NR3C2: variants seen among roughly 807,000 people sequenced by gnomAD.
NR3C2 encodes the protein mineralocorticoid receptor.
In NR3C2, 15 loss-of-function variants were observed where a neutral mutation model predicts 86.4. The observed-to-expected ratio is 0.17, with a 90% CI of 0.12 to 0.27. NR3C2 has a LOEUF of 0.27. NR3C2 is among the 10% of genes least tolerant of loss of function. The pLI, the probability that NR3C2 is intolerant of heterozygous loss-of-function variation, is 1.00. For missense variants in NR3C2, 960 were observed against 1,195.6 expected (o/e 0.80, Z 2.91); for synonymous variants, 458 against 450.5 (o/e 1.02, Z -0.21).
intron 4 of NR3C2, among the ~76,000 whole-genome samples, chr4:148,157,944 G>C (rs1734478503): frequency 6.6e-6 from 1 of 152,154 alleles, no homozygotes; most frequent in African/African-American, 2.4e-5. Flanking sequence ...TTAAATATTG[G>C]AACCAGGCTT....
intron 2 of NR3C2, among the ~76,000 whole-genome samples, chr4:148,287,965 A>C (rs559128740): frequency 6.6e-6 from 1 of 152,338 alleles, no homozygotes; most frequent in East Asian, 1.9e-4. Context: ...ATGATTCATG[A>C]AAACATTTAA....
intron 3 of NR3C2, among the ~76,000 whole-genome samples, chr4:148,246,488 T>C (rs1202684633): frequency 6.6e-6 from 1 of 152,220 alleles, no homozygotes; most frequent in African/African-American, 2.4e-5. Flanking sequence ...GTAGTCCAGT[T>C]AGCAACTGAG....
chr4:148,247,995 A>G (rs1451242494), intron 3 of NR3C2, among the ~76,000 whole-genome samples: 3 of 152,200 alleles, frequency 2.0e-5, no homozygotes, highest in Non-Finnish European at 4.4e-5. Flanking sequence ...GATGCAACAT[A>G]AGTAATTTTG....
chr4:148,439,814 A>C (rs1427437573), intron 1 of NR3C2, among the ~76,000 whole-genome samples: 3 of 152,172 alleles, frequency 2.0e-5, no homozygotes, highest in African/African-American at 4.8e-5. Flanking sequence ...ACCATATCCC[A>C]CATTTGTGAG....
chr4:148,225,298 C>T (rs1267667625), intron 3 of NR3C2, among the ~76,000 whole-genome samples: 1 of 152,094 alleles, frequency 6.6e-6, no homozygotes, highest in African/African-American at 2.4e-5. Flanking sequence ...TGCTGAATGA[C>T]AGGTGAAAGA....
chr4:148,280,982 G>A (rs11932031), intron 2 of NR3C2, among the ~76,000 whole-genome samples: 57,533 of 152,086 alleles, frequency 0.38, 11,043 homozygotes, highest in Admixed American at 0.49. Flanking sequence ...GGAGCAAAAA[G>A]AGAAACTGAG....
chr4:148,405,717 G>C (rs1281034260), intron 2 of NR3C2, among the ~76,000 whole-genome samples: 3 of 152,212 alleles, frequency 2.0e-5, no homozygotes, highest in Non-Finnish European at 2.9e-5. Flanking sequence ...TCTCCAAAGG[G>C]AAGTAACTGC....
intron 2 of NR3C2, among the ~76,000 whole-genome samples, chr4:148,381,282 A>G (rs1028227577): frequency 6.6e-6 from 1 of 152,148 alleles, no homozygotes; most frequent in Non-Finnish European, 1.5e-5. Context: ...ATCTGGAAAA[A>G]GCAGTTCAAT....
chr4:148,334,925 G>C (rs1418094038), intron 2 of NR3C2, among the ~76,000 whole-genome samples: 1 of 152,124 alleles, frequency 6.6e-6, no homozygotes, highest in Non-Finnish European at 1.5e-5. Flanking sequence ...AGCCTTCTGG[G>C]CTTCTGCTGC....
intron 3 of NR3C2, among the ~76,000 whole-genome samples, chr4:148,225,693 T>A (rs757899200): frequency 2.0e-4 from 31 of 152,176 alleles, no homozygotes; most frequent in Non-Finnish European, 3.5e-4. Context: ...ATGGAGTTAC[T>A]AAGTTGCAGA....
intron 6 of NR3C2, among the ~76,000 whole-genome samples, chr4:148,135,524 C>A (rs1038733828): frequency 6.6e-6 from 1 of 152,132 alleles, no homozygotes. Context: ...AAATAAATTT[C>A]TATTGTTTAT....
chr4:148,277,409 T>C (rs1028669867), intron 2 of NR3C2, among the ~76,000 whole-genome samples: 1 of 152,122 alleles, frequency 6.6e-6, no homozygotes, highest in Non-Finnish European at 1.5e-5. Flanking sequence ...CTCTAGCAAA[T>C]TGATCTACAT....
At chr4:148,288,778 A>G (rs1033359329) in intron 2 of NR3C2, among the ~76,000 whole-genome samples, 7 of 152,136 alleles carry the variant, frequency 4.6e-5, no homozygotes, top group East Asian at 3.8e-4. Context: ...GCAGGCATGG[A>G]AAAACAGTCA....
chr4:148,315,228 T>TA (rs1743109193), intron 2 of NR3C2, among the ~76,000 whole-genome samples: 1 of 152,096 alleles, frequency 6.6e-6, no homozygotes, highest in East Asian at 1.9e-4. Flanking sequence ...CATACTCAGC[T>TA]CTTAGTTATG....
chr4:148,430,349 T>C (rs1749742759), intron 2 of NR3C2, among the ~76,000 whole-genome samples: 1 of 152,168 alleles, frequency 6.6e-6, no homozygotes, highest in South Asian at 2.1e-4. Context: ...ACCTACGATA[T>C]TTGTGATGTT....
chr4:148,092,999 C>T (rs751722619), intron 8 of NR3C2, among the ~76,000 whole-genome samples: 1 of 152,198 alleles, frequency 6.6e-6, no homozygotes, highest in Non-Finnish European at 1.5e-5. Context: ...GGCAAGAACC[C>T]TAATTACAAT....
intron 2 of NR3C2, among the ~76,000 whole-genome samples, chr4:148,404,333 TTGAATTA>T (rs1748308411): frequency 1.3e-5 from 2 of 152,266 alleles, no homozygotes; most frequent in South Asian, 4.1e-4. Flanking sequence ...CTGAATAAAC[TTGAATTA>T]TGACATGTGG....
chr4:148,335,636 A>T (rs2149974388), intron 2 of NR3C2, among the ~76,000 whole-genome samples: 1 of 152,330 alleles, frequency 6.6e-6, no homozygotes, highest in Admixed American at 6.5e-5. Context: ...ATTTTTAAAA[A>T]TTTGAAAAAG....
intron 2 of NR3C2, among the ~76,000 whole-genome samples, chr4:148,354,187 C>T (rs375896841): frequency 6.6e-6 from 1 of 152,098 alleles, no homozygotes; most frequent in African/African-American, 2.4e-5. Context: ...GGATGAAGAC[C>T]TTTTTTGATG....
Sources: gnomAD v4.1 joint callset for allele counts (sites outside exome capture counted in the v4.1 genomes callset) on GRCh38, gnomAD v4.1.1 for gene constraint, MANE v1.5 for transcripts, NCBI Gene and HGNC (gene_info 2026-07-23, HGNC 2026-07-21) for gene names.